ENTREP2: variants seen among roughly 807,000 people sequenced by gnomAD.
ENTREP2 encodes the protein endosomal transmembrane epsin interactor 2.
the ENTREP2 span, among the ~76,000 whole-genome samples, chr15:29,475,827 G>A: frequency 6.6e-6 from 1 of 152,140 alleles, no homozygotes; most frequent in African/African-American, 2.4e-5. Flanking sequence ...AGGCCTTCCC[G>A]AGAGGAGAGA....
the ENTREP2 span, among the ~76,000 whole-genome samples, chr15:29,491,094 G>A: frequency 2.0e-5 from 3 of 152,150 alleles, no homozygotes; most frequent in South Asian, 2.1e-4. Flanking sequence ...GAGACCCAGC[G>A]CCCCCTCCAC....
chr15:29,386,918 T>G, the ENTREP2 span, among the ~76,000 whole-genome samples: 1 of 152,250 alleles, frequency 6.6e-6, no homozygotes, highest in Non-Finnish European at 1.5e-5. Context: ...TGGGGTTTTC[T>G]AAATATACAA....
chr15:29,438,755 TG>T, the ENTREP2 span, among the ~76,000 whole-genome samples: 1 of 152,188 alleles, frequency 6.6e-6, no homozygotes, highest in Admixed American at 6.5e-5. Flanking sequence ...GTTATCCTTT[TG>T]CCTCCGCAGA....
At chr15:29,251,911 AG>A in the ENTREP2 span, among the ~76,000 whole-genome samples, 1 of 152,202 alleles carries the variant, frequency 6.6e-6, no homozygotes, top group Non-Finnish European at 1.5e-5. Context: ...TGGATCTGAA[AG>A]AAAATTCTTT....
the ENTREP2 span, among the ~76,000 whole-genome samples, chr15:29,175,955 T>C: frequency 2.0e-4 from 30 of 152,190 alleles, no homozygotes; most frequent in Non-Finnish European, 3.8e-4. Context: ...TCCTCTCTCA[T>C]GACTACTTCT....
the ENTREP2 span, among the ~76,000 whole-genome samples, chr15:29,434,759 G>A: frequency 2.0e-5 from 3 of 152,120 alleles, no homozygotes; most frequent in South Asian, 2.1e-4. Context: ...AGGGCAGGGC[G>A]GTGGCAGTGC....
At chr15:29,274,081 T>A in the ENTREP2 span, among the ~76,000 whole-genome samples, 1 of 152,174 alleles carries the variant, frequency 6.6e-6, no homozygotes, top group Non-Finnish European at 1.5e-5. Flanking sequence ...TATCTATGCA[T>A]AGGGAAAAAC....
At chr15:29,400,895 G>C in the ENTREP2 span, among the ~76,000 whole-genome samples, 3 of 152,202 alleles carry the variant, frequency 2.0e-5, no homozygotes, top group African/African-American at 4.8e-5. Flanking sequence ...CCCCATCCCA[G>C]AATAAACTTG....
At chr15:29,601,134 T>A in the ENTREP2 span, among the ~76,000 whole-genome samples, 1 of 151,940 alleles carries the variant, frequency 6.6e-6, no homozygotes, top group African/African-American at 2.4e-5. Flanking sequence ...CCTGACCTCG[T>A]GATCCGCCTG....
chr15:29,558,322 C>T, the ENTREP2 span, among the ~76,000 whole-genome samples: 10 of 152,030 alleles, frequency 6.6e-5, no homozygotes, highest in Admixed American at 6.5e-4. Context: ...CCTGGGGTCT[C>T]CCTCTCCCAC....
At chr15:29,640,649 C>CAAACAAAACAAAACA in the ENTREP2 span, among the ~76,000 whole-genome samples, 7,057 of 149,670 alleles carry the variant, frequency 0.047, 195 homozygotes, top group South Asian at 0.059. Context: ...GGGCCTGTCT[C>CAAACAAAACAAAACA]AAACAAAACA....
chr15:29,563,274 C>A, the ENTREP2 span, among the ~76,000 whole-genome samples: 1 of 152,158 alleles, frequency 6.6e-6, no homozygotes, highest in African/African-American at 2.4e-5. Flanking sequence ...TGTCCCTGGA[C>A]ACTAATTATA....
At chr15:29,135,205 T>C in the ENTREP2 span, among the ~76,000 whole-genome samples, 1 of 151,468 alleles carries the variant, frequency 6.6e-6, no homozygotes, top group Non-Finnish European at 1.5e-5. The surrounding 1 kb of genome is among the most constrained non-coding windows in gnomAD (Gnocchi z 7.4). Flanking sequence ...CATGCCCCAG[T>C]CCCCGAGGCC....
At chr15:29,159,873 C>A in the ENTREP2 span, among the ~76,000 whole-genome samples, 1 of 152,236 alleles carries the variant, frequency 6.6e-6, no homozygotes, top group Non-Finnish European at 1.5e-5. Context: ...TGGCTTCACC[C>A]GGTGGATCCC....
At chr15:29,667,138 C>T in the ENTREP2 span, among the ~76,000 whole-genome samples, 2 of 152,068 alleles carry the variant, frequency 1.3e-5, no homozygotes, top group Non-Finnish European at 2.9e-5. Context: ...AATAAAGTCA[C>T]ATTCACAGGT....
chr15:29,419,317 T>C, the ENTREP2 span, among the ~76,000 whole-genome samples: 1 of 152,034 alleles, frequency 6.6e-6, no homozygotes, highest in South Asian at 2.1e-4. Flanking sequence ...AGAGAAAATA[T>C]AAAACTAAAA....
the ENTREP2 span, among the ~76,000 whole-genome samples, chr15:29,371,391 C>G: frequency 6.7e-6 from 1 of 149,572 alleles, no homozygotes; most frequent in African/African-American, 2.5e-5. Context: ...CACACGAAAC[C>G]AACTAATCCA....
chr15:29,190,817 A>G, the ENTREP2 span, among the ~76,000 whole-genome samples: 2 of 152,230 alleles, frequency 1.3e-5, no homozygotes, highest in East Asian at 3.8e-4. Context: ...AGATAAACAG[A>G]GCCTCAAATT....
chr15:29,582,695 A>AG, the ENTREP2 span, among the ~76,000 whole-genome samples: 1 of 152,070 alleles, frequency 6.6e-6, no homozygotes, highest in Non-Finnish European at 1.5e-5. Flanking sequence ...TGTGTTGCTC[A>AG]GCCTGGAGTG....
Sources: allele counts gnomAD v4.1 joint callset (sites outside exome capture counted in the v4.1 genomes callset), GRCh38; gene constraint gnomAD v4.1.1; non-coding constraint Gnocchi (gnomAD v3.1); transcripts MANE v1.5; gene names NCBI Gene and HGNC (gene_info 2026-07-23, HGNC 2026-07-21).